Variants in CSMD1 observed in about 807,000 individuals in gnomAD.
CSMD1 encodes the protein CUB and Sushi multiple domains 1, also known as CUB and sushi domain-containing protein 1.
In CSMD1, 213 loss-of-function variants were observed where a neutral mutation model predicts 417.5. The ratio of observed to expected loss-of-function variants is 0.51; its 90% CI spans 0.46 to 0.57. The LOEUF is 0.57. Ranked by LOEUF, CSMD1 falls within the 20% of genes least tolerant of loss-of-function variation. CSMD1 has a pLI of 0.00. For synonymous variants in CSMD1, 2,862 were observed against 1,736.8 expected (o/e 1.65, Z -16.11); for missense variants, 6,923 against 4,529.7 (o/e 1.53, Z -15.17).
At chr8:3,736,361 C>G (rs1328541609) in intron 6 of CSMD1, among the ~76,000 whole-genome samples, 1 of 151,984 alleles carries the variant, frequency 6.6e-6, no homozygotes, top group Non-Finnish European at 1.5e-5. Flanking sequence ...CCTACCTCAG[C>G]CTTCCAAGAA....
chr8:4,370,763 A>G (rs1197743162), intron 3 of CSMD1, among the ~76,000 whole-genome samples: 1 of 152,176 alleles, frequency 6.6e-6, no homozygotes, highest in Non-Finnish European at 1.5e-5. Flanking sequence ...TCCTGTGGCA[A>G]ATTTAATTCA....
chr8:4,005,294 A>T (rs1046951345), intron 4 of CSMD1, among the ~76,000 whole-genome samples: 5 of 152,170 alleles, frequency 3.3e-5, no homozygotes, highest in African/African-American at 9.7e-5. Flanking sequence ...AAAATAAAAT[A>T]AAATAATAAA....
rs1012180813 is a variant in CSMD1, at chr8:4,381,948, A to G, written c.415+38005T>C. On this transcript the variant is annotated intron_variant, in intron 3 of 69. Transcript: ENST00000635120. ...GAAAACAAATTTAAGTATGTGTAGA[A>G]TAACTGCACTAAGTGGACACTCTCT... is the stretch of plus-strand genomic sequence containing the variant. Among the ~76,000 whole-genome samples, 10 of 152,220 alleles carry G rather than the reference A, an allele frequency of 6.6e-5. No individual in the cohort carries two copies. The East Asian group carries it at 1.6e-3, about 24-fold the overall frequency.
chr8:4,082,662 G>A (rs1355319225), intron 3 of CSMD1, among the ~76,000 whole-genome samples: 1 of 151,704 alleles, frequency 6.6e-6, no homozygotes, highest in Non-Finnish European at 1.5e-5. Flanking sequence ...TGTGCACAAT[G>A]TGCAGGTTAG....
At chr8:3,580,247 G>C (rs1297178590) in intron 9 of CSMD1, among the ~76,000 whole-genome samples, 1 of 152,160 alleles carries the variant, frequency 6.6e-6, no homozygotes, top group Non-Finnish European at 1.5e-5. Flanking sequence ...GACATATAAT[G>C]TCAGAAGGAG....
chr8:4,032,317 A>C (rs1001122901), intron 3 of CSMD1, among the ~76,000 whole-genome samples: 1 of 152,348 alleles, frequency 6.6e-6, no homozygotes, highest in African/African-American at 2.4e-5. Context: ...AAGTGTAAAT[A>C]AATGCATTTT....
At chr8:4,957,918 T>C (rs1430633388) in intron 1 of CSMD1, among the ~76,000 whole-genome samples, 2 of 152,182 alleles carry the variant, frequency 1.3e-5, no homozygotes, top group Non-Finnish European at 2.9e-5. Context: ...TAAGGAGAAG[T>C]ATTTTAGTCA....
intron 49 of CSMD1, among the ~76,000 whole-genome samples, chr8:3,072,877 T>G (rs556938493): frequency 2.0e-5 from 3 of 152,300 alleles, no homozygotes; most frequent in African/African-American, 7.2e-5. Context: ...ATAAATATCA[T>G]GTTAATTCAG....
intron 6 of CSMD1, among the ~76,000 whole-genome samples, chr8:3,742,102 G>C (rs757766915): frequency 4.6e-5 from 7 of 151,806 alleles, no homozygotes; most frequent in African/African-American, 7.3e-5. Context: ...CTCTGCTGAT[G>C]AGGAATCCTG....
intron 1 of CSMD1, among the ~76,000 whole-genome samples, chr8:4,830,334 T>C (rs1265264644): frequency 6.6e-6 from 1 of 152,242 alleles, no homozygotes; most frequent in Non-Finnish European, 1.5e-5. Flanking sequence ...TGCCAGCATC[T>C]ACCAAGATTT....
At position 3,854,159 on chromosome 8, in the gene CSMD1, T is replaced by TA. The variant is rs10712212; in HGVS notation, c.819-100118dup. ...AAACTCTATTAAAGTATAATAATAA[T>TA]AAAAAAAAAAAAACACGTCTTGGAA... On this transcript the variant is annotated intron_variant, in intron 5 of 69. Coordinates refer to ENST00000635120, the MANE Select transcript of CSMD1 (RefSeq NM_033225.6). Among the ~76,000 whole-genome samples the TA allele has an allele frequency of 4.5e-3, 626 of 139,548 alleles. 1 individual carries two copies. Among genetic ancestry groups the TA allele is most frequent in the East Asian group, 0.015 (75 of 4,920 alleles). 91.5% of individuals were successfully genotyped at this position (139,548 alleles called of 152,430 possible).
chr8:4,568,631 T>G (rs1048939588), intron 2 of CSMD1, among the ~76,000 whole-genome samples: 1 of 152,208 alleles, frequency 6.6e-6, no homozygotes, highest in African/African-American at 2.4e-5. Flanking sequence ...TATGGGTATA[T>G]ACCCAGTAAA....
At position 3,307,716 on chromosome 8, in the gene CSMD1, G is replaced by A. The variant is rs770657699; in HGVS notation, c.3929C>T (p.Ala1310Val). ...NNLHCTWIIE[A>V]DPGKTISLHF... The stretch of plus-strand genomic sequence containing the variant: ...GTACCTAATGGTCTTTCCTGGGTCT[G>A]CCTCTATAATCCAGGTGCAGTGGAG... Residue 1310 changes from alanine (A) to valine (V), a missense_variant, in exon 25 of 70, where the codon GCA (alanine) becomes GTA (valine). Transcript: ENST00000635120. The A allele has an allele frequency of 6.8e-6, 11 of 1,613,456 alleles. No individual in the cohort carries two copies. The highest frequency in any genetic ancestry group is 1.3e-5 in the African/African-American group (1 of 74,894).
intron 5 of CSMD1, among the ~76,000 whole-genome samples, chr8:3,819,433 G>A (rs1038380242): frequency 1.3e-5 from 2 of 152,010 alleles, no homozygotes; most frequent in Non-Finnish European, 2.9e-5. Context: ...GGTAAAGAAA[G>A]TTGGAAGCTA....
chr8:4,667,865 G>T (rs1242938525), intron 1 of CSMD1, among the ~76,000 whole-genome samples: 2 of 152,006 alleles, frequency 1.3e-5, no homozygotes, highest in African/African-American at 4.8e-5. Context: ...TAGCCTTAAT[G>T]CACGGCTAAA....
intron 2 of CSMD1, among the ~76,000 whole-genome samples, chr8:4,620,597 T>C (rs1445685933): frequency 1.3e-5 from 2 of 151,820 alleles, no homozygotes; most frequent in Admixed American, 6.6e-5. Context: ...CGAGAATCTA[T>C]AGAAATAAGA....
chr8:4,061,442 G>C (rs1798968312), intron 3 of CSMD1, among the ~76,000 whole-genome samples: 1 of 152,190 alleles, frequency 6.6e-6, no homozygotes, highest in Non-Finnish European at 1.5e-5. Context: ...AACTTTTATA[G>C]CTCCCTGAAA....
At chr8:4,131,618 A>G (rs1369064236) in intron 3 of CSMD1, among the ~76,000 whole-genome samples, 2 of 152,188 alleles carry the variant, frequency 1.3e-5, no homozygotes, top group African/African-American at 4.8e-5. Flanking sequence ...ACTTGAGAAT[A>G]GGTACAGCTT....
intron 47 of CSMD1, among the ~76,000 whole-genome samples, chr8:3,093,638 A>G (rs1021655511): frequency 3.9e-5 from 6 of 152,134 alleles, no homozygotes; most frequent in Non-Finnish European, 8.8e-5. Flanking sequence ...ATTGCACTCC[A>G]GCCTGGGCAA....
Sources: allele counts gnomAD v4.1 joint callset (sites outside exome capture counted in the v4.1 genomes callset), GRCh38; gene constraint gnomAD v4.1.1; transcripts MANE v1.5; gene names NCBI Gene and HGNC (gene_info 2026-07-23, HGNC 2026-07-21).